NEBL: variants seen among roughly 807,000 people sequenced by gnomAD.
NEBL encodes LIM and SH3 protein 2.
NEBL carries 122 observed loss-of-function variants against 140.2 expected under a neutral mutation model. The observed-to-expected ratio is 0.87, with a 90% CI of 0.75 to 1.01. The LOEUF (loss-of-function observed/expected upper bound fraction) is 1.01. NEBL is among the 50% of genes least tolerant of loss of function. The probability of loss-of-function intolerance (pLI) is 0.00; values close to 1 mark genes in which losing one functional copy is unlikely to be tolerated. For missense variants in NEBL, 1,365 were observed against 1,231.3 expected (o/e 1.11, Z -1.62); for synonymous variants, 436 against 398.9 (o/e 1.09, Z -1.11).
intron 3 of NEBL, among the ~76,000 whole-genome samples, chr10:20,984,411 A>T (rs774991298): frequency 5.3e-5 from 8 of 152,200 alleles, no homozygotes; most frequent in Non-Finnish European, 1.0e-4. Context: ...AGGACAAAAT[A>T]AAATATTGAA....
intron 4 of NEBL, among the ~76,000 whole-genome samples, chr10:20,884,759 C>T (rs910526726): frequency 1.3e-5 from 2 of 152,230 alleles, no homozygotes; most frequent in African/African-American, 4.8e-5. Context: ...GTTCCAATGC[C>T]TGAGTAGCGT....
intron 1 of NEBL, among the ~76,000 whole-genome samples, chr10:21,271,800 A>G (rs956673231): frequency 2.0e-5 from 3 of 152,200 alleles, no homozygotes; most frequent in African/African-American, 7.2e-5. Context: ...TGCTAGGATT[A>G]CAGGCGTGAG....
chr10:21,293,042 C>CG (rs1843166166), upstream of NEBL, among the ~76,000 whole-genome samples: 1 of 152,214 alleles, frequency 6.6e-6, no homozygotes, highest in African/African-American at 2.4e-5. Flanking sequence ...TCTGTGGCCT[C>CG]AACAACATAG....
chr10:20,826,543 T>C lies in NEBL; in HGVS notation c.1777-4A>G. ...CCACTTCTTTCTTATAAAATACCTT[T>C]ATTATAAGAAAAGGAAAAGAATAAC... is the stretch of plus-strand genomic sequence containing the variant. On this transcript the variant is annotated splice_region_variant and splice_polypyrimidine_tract_variant and intron_variant, in intron 17 of 27. Transcript: ENST00000377122. The C allele has an allele frequency of 6.3e-7, 1 of 1,597,928 alleles. No homozygotes were observed. The highest frequency in any genetic ancestry group is 1.1e-5 in the South Asian group (1 of 90,680).
chr10:21,146,389 C>A, intron 2 of NEBL: 2 of 1,610,298 alleles, frequency 1.2e-6, no homozygotes, highest in South Asian at 2.2e-5. Flanking sequence ...AAAAAAATGA[C>A]TGGTTGATTA....
chr10:21,209,198 T>G (rs1011434081), intron 3 of NEBL, among the ~76,000 whole-genome samples: 1 of 152,218 alleles, frequency 6.6e-6, no homozygotes, highest in African/African-American at 2.4e-5. Flanking sequence ...CTGACAAGTT[T>G]AGTCGCTTTT....
At chr10:21,158,728 T>A (rs1208177888) in intron 2 of NEBL, among the ~76,000 whole-genome samples, 3 of 152,326 alleles carry the variant, frequency 2.0e-5, no homozygotes, top group African/African-American at 7.2e-5. Flanking sequence ...CGACTTGATG[T>A]CTGACTACTG....
chr10:20,934,214 A>G (rs1834356747), intron 4 of NEBL, among the ~76,000 whole-genome samples: 1 of 152,156 alleles, frequency 6.6e-6, no homozygotes, highest in South Asian at 2.1e-4. Context: ...CTGAGCCCCA[A>G]GTATTCCTTC....
At chr10:20,981,532 A>G (rs1276515329) in intron 3 of NEBL, among the ~76,000 whole-genome samples, 1 of 152,198 alleles carries the variant, frequency 6.6e-6, no homozygotes, top group African/African-American at 2.4e-5. Flanking sequence ...TCTTTGGGTA[A>G]CAGCACCCTG....
chr10:21,032,245 T>A (rs1410059715), intron 2 of NEBL, among the ~76,000 whole-genome samples: 1 of 152,234 alleles, frequency 6.6e-6, no homozygotes, highest in Non-Finnish European at 1.5e-5. Flanking sequence ...CATTTTAAGA[T>A]AATACCTTTT....
At chr10:21,261,349 A>T (rs569151247) in intron 1 of NEBL, among the ~76,000 whole-genome samples, 5 of 152,142 alleles carry the variant, frequency 3.3e-5, no homozygotes, top group Non-Finnish European at 5.9e-5. Context: ...TTTTCATCCT[A>T]ATCATCAGTA....
intron 13 of NEBL, among the ~76,000 whole-genome samples, chr10:20,839,525 C>T (rs969605087): frequency 6.6e-6 from 1 of 152,120 alleles, no homozygotes; most frequent in Non-Finnish European, 1.5e-5. Flanking sequence ...TGATTTCCAT[C>T]ACCTCCCTAG....
chr10:20,792,353 A>C (rs1427676942), intron 26 of NEBL, among the ~76,000 whole-genome samples: 2 of 152,216 alleles, frequency 1.3e-5, no homozygotes, highest in East Asian at 3.9e-4. Flanking sequence ...TTATCAGCTA[A>C]TGTATGTCAA....
intron 1 of NEBL, among the ~76,000 whole-genome samples, chr10:21,284,630 G>A (rs1249449321): frequency 6.6e-6 from 1 of 152,138 alleles, no homozygotes; most frequent in Non-Finnish European, 1.5e-5. Context: ...CACAAGGAGT[G>A]CTATATAAAT....
chr10:20,849,222 A>C (rs1842256969), intron 11 of NEBL, among the ~76,000 whole-genome samples: 1 of 152,164 alleles, frequency 6.6e-6, no homozygotes, highest in African/African-American at 2.4e-5. Context: ...ACACACACAT[A>C]CACACACAAA....
chr10:20,822,995 ATGTGTCTT>A (rs1023881008), intron 19 of NEBL, among the ~76,000 whole-genome samples: 12 of 152,076 alleles, frequency 7.9e-5, no homozygotes, highest in Admixed American at 2.6e-4. Context: ...TCTGAATAAT[ATGTGTCTT>A]TAATAAATAA....
chr10:21,247,345 C>T (rs1842530543), intron 3 of NEBL, among the ~76,000 whole-genome samples: 1 of 152,180 alleles, frequency 6.6e-6, no homozygotes, highest in African/African-American at 2.4e-5. Flanking sequence ...GTGAAAGAAG[C>T]AGTCTCAAAA....
rs117754139 is a variant in NEBL, at chr10:20,801,416, C to T, written c.2761+7094G>A. Among the ~76,000 whole-genome samples, 18 of 151,990 alleles carry T rather than the reference C, an allele frequency of 1.2e-4. No homozygotes were observed. In the East Asian group the frequency reaches 2.7e-3, roughly 23 times the overall value. ...TTTGCCATGTTGGCCAGGCTAGTCT[C>T]GAACTCCTGACCTCAAGTAACCTGC... On this transcript the variant is annotated intron_variant, in intron 26 of 27. Transcript: ENST00000377122.
intron 2 of NEBL, among the ~76,000 whole-genome samples, chr10:20,895,578 ATTG>A (rs1006171659): frequency 3.9e-5 from 6 of 152,266 alleles, no homozygotes; most frequent in African/African-American, 7.2e-5. Context: ...CAATAGTGTT[ATTG>A]TTGTTGTTGT....
Sources: gnomAD v4.1 joint callset for allele counts (sites outside exome capture counted in the v4.1 genomes callset) on GRCh38, gnomAD v4.1.1 for gene constraint, MANE v1.5 for transcripts, NCBI Gene and HGNC (gene_info 2026-07-23, HGNC 2026-07-21) for gene names.